Variants in RFX4 observed in about 807,000 individuals in gnomAD.
The protein encoded by RFX4 is regulatory factor X4.
In RFX4, 10 loss-of-function variants were observed where a neutral mutation model predicts 95.0. That is an observed-to-expected ratio of 0.11 (90% CI 0.06 to 0.18). The LOEUF is 0.18. Ranked by LOEUF, RFX4 falls within the 10% of genes least tolerant of loss-of-function variation. The pLI, the probability that RFX4 is intolerant of heterozygous loss-of-function variation, is 1.00. For synonymous variants in RFX4, 321 were observed against 340.7 expected, an observed-to-expected ratio of 0.94 and a Z score of 0.64; for missense variants, 640 against 922.0, an observed-to-expected ratio of 0.69 and a Z score of 3.96.
Position 106,739,186 on chromosome 12 carries a change from G to A in RFX4, c.1633+6101G>A, listed in dbSNP as rs556954333. Reference sequence around the variant, plus strand: ...GGAAAATTAAATGAAACAATGGTTAGCTTTAAAAATTTATTAAAATCTTAT... The same window carrying A: ...GGAAAATTAAATGAAACAATGGTTAACTTTAAAAATTTATTAAAATCTTAT... On this transcript the variant is annotated intron_variant, in intron 15 of 17. Transcript: ENST00000392842. Among the ~76,000 whole-genome samples the A allele has an allele frequency of 1.9e-3, 277 of 149,128 alleles. 1 individual carries two copies. The highest frequency in any genetic ancestry group is 6.2e-3 in the African/African-American group (255 of 41,028).
intron 8 of RFX4, among the ~76,000 whole-genome samples, chr12:106,708,315 C>T (rs1046772294): frequency 3.7e-4 from 56 of 151,202 alleles, no homozygotes; most frequent in African/African-American, 1.2e-3. Context: ...GTGCTGATGA[C>T]GTCCTTCCTT....
intron 10 of RFX4, 70 bp downstream of exon 10, chr12:106,711,581 A>G: frequency 7.7e-7 from 1 of 1,297,276 alleles, no homozygotes; most frequent in South Asian, 1.2e-5. Flanking sequence ...ATCCACAAAA[A>G]CAACCTCCTG....
At chr12:106,593,988 A>G (rs1019250085) in intron 1 of RFX4, among the ~76,000 whole-genome samples, 1 of 152,218 alleles carries the variant, frequency 6.6e-6, no homozygotes, top group Non-Finnish European at 1.5e-5. Context: ...ACTGCTGATA[A>G]TAAGTCTAGG....
intron 13 of RFX4, among the ~76,000 whole-genome samples, chr12:106,724,107 T>TC (rs2042446185): frequency 6.6e-6 from 1 of 152,216 alleles, no homozygotes; most frequent in Non-Finnish European, 1.5e-5. Flanking sequence ...GCCCTCAATA[T>TC]GACAGACCAG....
At chr12:106,703,734 T>C (rs1163267539) in intron 8 of RFX4, among the ~76,000 whole-genome samples, 1 of 152,134 alleles carries the variant, frequency 6.6e-6, no homozygotes, top group Non-Finnish European at 1.5e-5. Context: ...CTATCTATAA[T>C]TGACTTATTT....
At chr12:106,743,056 C>G (rs772884087) in intron 15 of RFX4, among the ~76,000 whole-genome samples, 17 of 152,210 alleles carry the variant, frequency 1.1e-4, no homozygotes, top group South Asian at 2.1e-4. Flanking sequence ...AAATGTTCCC[C>G]TGTAGCAGTT....
At chr12:106,663,436 A>G (rs1251025877) in intron 4 of RFX4, among the ~76,000 whole-genome samples, 1 of 152,114 alleles carries the variant, frequency 6.6e-6, no homozygotes, top group Non-Finnish European at 1.5e-5. Context: ...TATTAGTTCC[A>G]GGAGATTTTT....
At chr12:106,624,499 A>AT (rs898972720) in intron 2 of RFX4, among the ~76,000 whole-genome samples, 14 of 150,108 alleles carry the variant, frequency 9.3e-5, no homozygotes, top group Non-Finnish European at 1.8e-4. Context: ...TACTTTTTGT[A>AT]TTTTTTTTTA....
At chr12:106,659,305 C>A (rs2041024662) in intron 4 of RFX4, among the ~76,000 whole-genome samples, 1 of 152,128 alleles carries the variant, frequency 6.6e-6, no homozygotes, top group Admixed American at 6.6e-5. Flanking sequence ...CTTTCCCTGA[C>A]CATTCCCTCC....
intron 16 of RFX4, among the ~76,000 whole-genome samples, chr12:106,750,453 G>C (rs1729810071): frequency 1.4e-5 from 2 of 146,956 alleles, no homozygotes; most frequent in Admixed American, 1.4e-4. Context: ...CTCCAGCCTG[G>C]GCAACAGAAT....
At chr12:106,649,768 C>T (rs2040823468) in intron 3 of RFX4, among the ~76,000 whole-genome samples, 2 of 152,154 alleles carry the variant, frequency 1.3e-5, no homozygotes, top group African/African-American at 4.8e-5. Context: ...ATGATTTTCA[C>T]CCTTAACTGT....
chr12:106,732,046 G>A lies in RFX4; in HGVS notation c.1352-84G>A, dbSNP rs1748220165. 7 of 1,559,006 alleles carry A rather than the reference G, an allele frequency of 4.5e-6. No individual in the cohort carries two copies. The South Asian group carries it at 5.9e-5, about 13-fold the overall frequency. On this transcript the variant is annotated intron_variant, in intron 13 of 17. Coordinates refer to ENST00000392842, the MANE Select transcript of RFX4 (RefSeq NM_213594.3). The stretch of plus-strand genomic sequence containing the variant: ...TCTTGAGCAGAGCATTTAGAACACT[G>A]TGTAACTTGTGCAGTTGACCAGACA...
chr12:106,752,800 G>GGAAT (rs2136097682), intron 17 of RFX4, among the ~76,000 whole-genome samples: 1 of 152,200 alleles, frequency 6.6e-6, no homozygotes, highest in East Asian at 1.9e-4. Context: ...TGGCCTGTGG[G>GGAAT]GAATAGACAG....
At chr12:106,723,608 A>C (rs991735555) in intron 13 of RFX4, among the ~76,000 whole-genome samples, 1 of 152,146 alleles carries the variant, frequency 6.6e-6, no homozygotes, top group Admixed American at 6.5e-5. Flanking sequence ...CTAGCATCAA[A>C]GCTCACTCAC....
intron 13 of RFX4, among the ~76,000 whole-genome samples, chr12:106,730,601 A>T (rs1159943098): frequency 6.6e-6 from 1 of 152,224 alleles, no homozygotes; most frequent in Non-Finnish European, 1.5e-5. Flanking sequence ...TTTGGTACAG[A>T]GTAAACACTC....
intron 7 of RFX4, among the ~76,000 whole-genome samples, chr12:106,691,866 T>C (rs965117676): frequency 6.6e-6 from 1 of 152,114 alleles, no homozygotes; most frequent in Non-Finnish European, 1.5e-5. Flanking sequence ...AATTAAAGAA[T>C]GCAAATCTGA....
chr12:106,713,741 G>A (rs1258737470), intron 10 of RFX4, among the ~76,000 whole-genome samples: 1 of 152,006 alleles, frequency 6.6e-6, no homozygotes, highest in Non-Finnish European at 1.5e-5. Context: ...AAGCACTAAG[G>A]CCCTAAACAT....
In RFX4 at chr12:106,720,364, T is replaced by C. The variant is rs148360601; in HGVS notation, c.1233+310T>C. ...GCATTGACTTTGAAGACCATAAGCC[T>C]TCCTGTCATTTTTCTGTATTTATTT... On this transcript the variant is annotated intron_variant, in intron 12 of 17. Coordinates refer to ENST00000392842, the MANE Select transcript of RFX4 (RefSeq NM_213594.3). This position sits in a 1 kb window ranked among gnomAD's most constrained non-coding sequence, Gnocchi z 4.2. Among the ~76,000 whole-genome samples, 46 of 152,278 alleles carry C rather than the reference T, an allele frequency of 3.0e-4. No individual in the cohort carries two copies. Among genetic ancestry groups the C allele is most frequent in the African/African-American group, 1.1e-3 (45 of 41,566 alleles).
intron 15 of RFX4, among the ~76,000 whole-genome samples, chr12:106,745,648 A>G (rs1248192384): frequency 6.6e-6 from 1 of 152,096 alleles, no homozygotes; most frequent in African/African-American, 2.4e-5. Flanking sequence ...TAAAATGAAA[A>G]CCTTTCCTTT....
Sources: gnomAD v4.1 joint callset for allele counts (sites outside exome capture counted in the v4.1 genomes callset) on GRCh38, gnomAD v4.1.1 for gene constraint, Gnocchi (gnomAD v3.1) non-coding constraint, MANE v1.5 for transcripts, NCBI Gene and HGNC (gene_info 2026-07-23, HGNC 2026-07-21) for gene names.